The following ASB17 variants were observed in gnomAD, a reference collection of about 807,000 sequenced individuals.
ASB17 encodes the protein ankyrin repeat and SOCS box containing 17.
Under a neutral mutation model 25.7 loss-of-function variants are expected in ASB17, and 26 were observed. The observed-to-expected ratio is 1.01, with a 90% CI of 0.74 to 1.40. The LOEUF (loss-of-function observed/expected upper bound fraction) is 1.40. Ranked by LOEUF, ASB17 falls within the 40% of genes most tolerant of loss-of-function variation. ASB17 has a pLI of 0.00. For synonymous variants in ASB17, 128 were observed against 121.4 expected (o/e 1.05, Z -0.36); for missense variants, 326 against 338.5 (o/e 0.96, Z 0.29).
Position 75,922,900 on chromosome 1 carries a change from TAAAA to T in ASB17, c.402-545_402-542del, listed in dbSNP as rs1325580084. ...TTAAACCCCATTTACATTGTAAAAA[TAAAA>T]AAAAACAATTTATAATATATGTAAA... On this transcript the variant is annotated intron_variant, in intron 1 of 2. Coordinates refer to ENST00000284142, the MANE Select transcript of ASB17 (RefSeq NM_080868.3). Among the ~76,000 whole-genome samples, 3 of 152,094 alleles carry T rather than the reference TAAAA, an allele frequency of 2.0e-5. No homozygotes were observed. The East Asian group carries it at 5.8e-4, about 29-fold the overall frequency.
chr1:75,930,406 C>G (rs1653293849), intron 1 of ASB17, among the ~76,000 whole-genome samples: 1 of 148,942 alleles, frequency 6.7e-6, no homozygotes, highest in African/African-American at 2.5e-5. Context: ...GACCCCAAGG[C>G]AAAGGAACGG....
At chr1:75,931,201 T>G (rs1286436000) in intron 1 of ASB17, among the ~76,000 whole-genome samples, 1 of 152,236 alleles carries the variant, frequency 6.6e-6, no homozygotes, top group African/African-American at 2.4e-5. Flanking sequence ...CACATGAATG[T>G]TTTATTCAGA....
intron 1 of ASB17, among the ~76,000 whole-genome samples, chr1:75,927,178 G>A (rs947176902): frequency 1.3e-5 from 2 of 152,150 alleles, no homozygotes; most frequent in Non-Finnish European, 2.9e-5. Flanking sequence ...TAGAGCCTCC[G>A]TAAGGCACTG....
At chr1:75,928,164 C>T (rs1489753167) in intron 1 of ASB17, among the ~76,000 whole-genome samples, 1 of 152,312 alleles carries the variant, frequency 6.6e-6, no homozygotes, top group East Asian at 1.9e-4. Context: ...CAATTTCCTT[C>T]TCTGCTCTCT....
intron 1 of ASB17, among the ~76,000 whole-genome samples, chr1:75,925,919 C>A (rs1202806790): frequency 6.6e-6 from 1 of 152,180 alleles, no homozygotes; most frequent in East Asian, 1.9e-4. Flanking sequence ...TTGGGCTAGT[C>A]TCTCCAAGTT....
At chr1:75,930,601 G>C (rs1441472283) in intron 1 of ASB17, among the ~76,000 whole-genome samples, 1 of 151,892 alleles carries the variant, frequency 6.6e-6, no homozygotes, top group African/African-American at 2.4e-5. Context: ...GCCTGTAATG[G>C]GTTTTACCTT....
intron 1 of ASB17, among the ~76,000 whole-genome samples, chr1:75,926,245 A>G (rs981512215): frequency 2.0e-5 from 3 of 152,224 alleles, no homozygotes; most frequent in African/African-American, 7.2e-5. Context: ...AAACAAGCAA[A>G]TTTTATGTTA....
At chr1:75,922,599 T>A (rs993779029) in intron 1 of ASB17, among the ~76,000 whole-genome samples, 1 of 144,442 alleles carries the variant, frequency 6.9e-6, no homozygotes, top group African/African-American at 2.6e-5. Context: ...TGGGTTCAAG[T>A]GATTCTCCTG....
At chr1:75,927,406 T>C (rs542149972) in intron 1 of ASB17, among the ~76,000 whole-genome samples, 1 of 152,262 alleles carries the variant, frequency 6.6e-6, no homozygotes, top group African/African-American at 2.4e-5. Flanking sequence ...CCAATTCTGA[T>C]CACTTACCGT....
At chr1:75,931,250 A>G (rs549033320) in intron 1 of ASB17, among the ~76,000 whole-genome samples, 187 of 152,346 alleles carry the variant, frequency 1.2e-3, no homozygotes, top group African/African-American at 4.3e-3. Context: ...AAGTTAGTGC[A>G]AACTAGGTAA....
At chr1:75,927,272 T>C (rs1653196910) in intron 1 of ASB17, among the ~76,000 whole-genome samples, 1 of 152,088 alleles carries the variant, frequency 6.6e-6, no homozygotes, top group Admixed American at 6.5e-5. Flanking sequence ...ACTATAAATT[T>C]GTGTTGTTTT....
At chr1:75,930,306 T>A (rs1233718679) in intron 1 of ASB17, among the ~76,000 whole-genome samples, 1 of 147,180 alleles carries the variant, frequency 6.8e-6, no homozygotes, top group Non-Finnish European at 1.5e-5. Flanking sequence ...TAACTATATA[T>A]AACATGTATA....
chr1:75,920,294 GA>G (rs1170496516), intron 2 of ASB17, among the ~76,000 whole-genome samples: 3 of 152,228 alleles, frequency 2.0e-5, no homozygotes, highest in South Asian at 4.2e-4. Flanking sequence ...GACTTAGGAG[GA>G]AAAAACATTG....
chr1:75,929,773 C>G (rs181276697), intron 1 of ASB17, among the ~76,000 whole-genome samples: 2 of 151,668 alleles, frequency 1.3e-5, no homozygotes, highest in Non-Finnish European at 2.9e-5. Context: ...AGATTTGAAA[C>G]GAAAGAGATG....
intron 2 of ASB17, among the ~76,000 whole-genome samples, chr1:75,921,421 G>A (rs757485383): frequency 6.6e-6 from 1 of 152,162 alleles, no homozygotes; most frequent in Non-Finnish European, 1.5e-5. Context: ...ATTTATAGGG[G>A]TAGCTTTCTC....
chr1:75,928,970 G>C (rs1002455058), intron 1 of ASB17, among the ~76,000 whole-genome samples: 5 of 152,150 alleles, frequency 3.3e-5, no homozygotes, highest in African/African-American at 7.2e-5. Context: ...AGTAGGAAAG[G>C]CCTCTTTGAG....
At chr1:75,926,534 A>G (rs1478610615) in intron 1 of ASB17, among the ~76,000 whole-genome samples, 5 of 152,224 alleles carry the variant, frequency 3.3e-5, no homozygotes, top group African/African-American at 9.6e-5. Context: ...GGGATGCCAC[A>G]TTATTTAGAG....
chr1:75,930,268 ATATT>A (rs1653288525), intron 1 of ASB17, among the ~76,000 whole-genome samples: 1 of 147,454 alleles, frequency 6.8e-6, no homozygotes, highest in Admixed American at 6.8e-5. Flanking sequence ...AGTTATATTT[ATATT>A]TAGTTATATA....
At chr1:75,925,089 T>A (rs1292853385) in intron 1 of ASB17, among the ~76,000 whole-genome samples, 1 of 152,138 alleles carries the variant, frequency 6.6e-6, no homozygotes, top group Non-Finnish European at 1.5e-5. Context: ...CATATTTAAG[T>A]GCCTAGAACA....
Sources: gnomAD v4.1 joint callset for allele counts (sites outside exome capture counted in the v4.1 genomes callset) on GRCh38, gnomAD v4.1.1 for gene constraint, MANE v1.5 for transcripts, NCBI Gene and HGNC (gene_info 2026-07-23, HGNC 2026-07-21) for gene names.